Variants in EIF3H observed in about 807,000 individuals in gnomAD.
EIF3H encodes eIF-3-gamma.
EIF3H carries 26 observed loss-of-function variants against 44.2 expected under a neutral mutation model. The observed-to-expected ratio is 0.59, with a 90% CI of 0.43 to 0.82. The LOEUF (loss-of-function observed/expected upper bound fraction) is 0.82, where lower values mean the gene tolerates loss of function less well. Among genes scored for constraint, EIF3H ranks in the 40% least tolerant of loss-of-function variants. The probability of loss-of-function intolerance (pLI) is 0.00; values close to 1 mark genes in which losing one functional copy is unlikely to be tolerated. For synonymous variants in EIF3H, 166 were observed against 151.9 expected, an observed-to-expected ratio of 1.09 and a Z score of -0.68; for missense variants, 359 against 432.8, an observed-to-expected ratio of 0.83 and a Z score of 1.51.
chr8:116,753,557 A>G (rs1321034547), intron 1 of EIF3H, among the ~76,000 whole-genome samples: 2 of 152,242 alleles, frequency 1.3e-5, no homozygotes, highest in Non-Finnish European at 2.9e-5. Flanking sequence ...AGAAGGACTA[A>G]TTGGTTCCTT....
At chr8:116,664,429 C>A (rs1182508461) in intron 2 of EIF3H, among the ~76,000 whole-genome samples, 1 of 152,146 alleles carries the variant, frequency 6.6e-6, no homozygotes, top group Non-Finnish European at 1.5e-5. Context: ...TTCAAGAGCT[C>A]CTGAAGATCA....
rs147804401 is a variant in EIF3H at position 116,726,822 on chromosome 8, A to G, written c.133-650T>C. On this transcript the variant is annotated intron_variant, in intron 1 of 7. Coordinates refer to ENST00000521861, the MANE Select transcript of EIF3H (RefSeq NM_003756.3). ...TCTCTCCTTTAATATTCCCATAAAG[A>G]TAAGAGGTAACACCGTGCACAGGTG... Among the ~76,000 whole-genome samples the G allele has an allele frequency of 5.9e-3, 900 of 152,340 alleles. 5 individuals are homozygous for G. Among genetic ancestry groups the G allele is most frequent in the African/African-American group, 0.02 (827 of 41,572 alleles).
rs183505021 is a variant in EIF3H at position 116,717,572 on chromosome 8, T to C, written c.289+8444A>G. ...ATGAATATAGACCAATGGAACAGAA[T>C]AGAGAACCCAGAAATAATGCCAAAT... On this transcript the variant is annotated intron_variant, in intron 2 of 7. Coordinates refer to ENST00000521861, the MANE Select transcript of EIF3H (RefSeq NM_003756.3). 1.2e-3 allele frequency among the ~76,000 whole-genome samples: 180 copies of C among 152,190 alleles called. 1 individual carries two copies. Among genetic ancestry groups the C allele is most frequent in the African/African-American group, 4.0e-3 (167 of 41,536 alleles).
intron 5 of EIF3H, among the ~76,000 whole-genome samples, chr8:116,649,847 G>A (rs1400225566): frequency 6.6e-6 from 1 of 152,202 alleles, no homozygotes; most frequent in Non-Finnish European, 1.5e-5. Flanking sequence ...CATGATCAGA[G>A]TATCTCTTTG....
chr8:116,690,609 T>A (rs1016525257), intron 2 of EIF3H, among the ~76,000 whole-genome samples: 4 of 152,224 alleles, frequency 2.6e-5, no homozygotes, highest in Non-Finnish European at 5.9e-5. Context: ...ATAGCAGACA[T>A]TTAAGCCTAG....
upstream of EIF3H, chr8:116,755,831 A>G (rs370527724): frequency 2.2e-5 from 36 of 1,608,266 alleles, no homozygotes; most frequent in African/African-American, 4.0e-5. Context: ...GAGAAACGTG[A>G]GTTACCGGAA....
intron 6 of EIF3H, among the ~76,000 whole-genome samples, 162 bp from the exon 7 acceptor site, chr8:116,646,765 C>T (rs538605626): frequency 6.6e-6 from 1 of 152,290 alleles, no homozygotes; most frequent in East Asian, 1.9e-4. Flanking sequence ...AAGCTAAATA[C>T]GCCAATAGCA....
chr8:116,677,080 TAA>T (rs768390419), intron 2 of EIF3H, among the ~76,000 whole-genome samples: 1 of 152,214 alleles, frequency 6.6e-6, no homozygotes, highest in Non-Finnish European at 1.5e-5. Context: ...GATAGCAATC[TAA>T]AACACTGTAA....
At chr8:116,684,648 T>C (rs1355135178) in intron 2 of EIF3H, among the ~76,000 whole-genome samples, 1 of 152,172 alleles carries the variant, frequency 6.6e-6, no homozygotes, top group Non-Finnish European at 1.5e-5. Context: ...TCATGAAATC[T>C]TTTCCAGACT....
chr8:116,749,619 C>A (rs1442703565), intron 1 of EIF3H, among the ~76,000 whole-genome samples: 1 of 152,220 alleles, frequency 6.6e-6, no homozygotes, highest in East Asian at 1.9e-4. Context: ...AGAATGAAGA[C>A]CCATTCTTTC....
intron 2 of EIF3H, among the ~76,000 whole-genome samples, chr8:116,679,442 C>T (rs1586451078): frequency 3.9e-5 from 2 of 50,742 alleles, no homozygotes; most frequent in South Asian, 9.2e-4. Flanking sequence ...CCAGCCGCCC[C>T]GTCCGGGAGG....
chr8:116,657,596 G>C lies in EIF3H; in HGVS notation c.458-282C>G. ...CAAATTCATTCCTCAGCAAGAACTAGTAACCTTGCTGAAAATTAAATGTAT... is the reference window on the plus strand; with the variant it reads ...CAAATTCATTCCTCAGCAAGAACTACTAACCTTGCTGAAAATTAAATGTAT... On this transcript the variant is annotated intron_variant, in intron 3 of 7. Transcript: ENST00000521861. The C allele has an allele frequency of 1.0e-5, 4 of 389,290 alleles. No individual in the cohort carries two copies. In the South Asian group the frequency reaches 1.2e-4, roughly 12 times the overall value. The allele number at this position is 389,290 out of a possible 1,614,324, so 24.1% of individuals were successfully genotyped here.
intron 2 of EIF3H, among the ~76,000 whole-genome samples, chr8:116,721,328 T>C (rs948154212): frequency 6.6e-6 from 1 of 152,198 alleles, no homozygotes; most frequent in African/African-American, 2.4e-5. Flanking sequence ...TTTGGGAACC[T>C]CCGCCTAAAT....
chr8:116,739,446 C>G (rs183748323), intron 1 of EIF3H, among the ~76,000 whole-genome samples: 1 of 152,134 alleles, frequency 6.6e-6, no homozygotes, highest in African/African-American at 2.4e-5. Context: ...GTCAGGAGAT[C>G]GAGACCATCC....
chr8:116,679,569 C>T (rs1586451202), intron 2 of EIF3H, among the ~76,000 whole-genome samples: 2 of 20,228 alleles, frequency 9.9e-5, no homozygotes, highest in Non-Finnish European at 3.3e-4. Flanking sequence ...CCAGCCGCCC[C>T]ATCCGGGAGG....
At chr8:116,655,808 T>C (rs1813478716) in intron 5 of EIF3H, 48 bp downstream of exon 5, 1 of 1,593,916 alleles carries the variant, frequency 6.3e-7, no homozygotes, top group Non-Finnish European at 8.5e-7. Flanking sequence ...AAGAATCTTT[T>C]GCAAAAAGTT....
At chr8:116,656,770 T>C (rs1813497657) in intron 4 of EIF3H, among the ~76,000 whole-genome samples, 1 of 152,200 alleles carries the variant, frequency 6.6e-6, no homozygotes, top group Non-Finnish European at 1.5e-5. Flanking sequence ...TCTGCATAAC[T>C]GTCACCCATA....
intron 1 of EIF3H, among the ~76,000 whole-genome samples, chr8:116,750,207 C>G (rs946017468): frequency 6.6e-6 from 1 of 152,276 alleles, no homozygotes; most frequent in African/African-American, 2.4e-5. Flanking sequence ...CAGAATACAT[C>G]TGGAGTATAC....
At chr8:116,741,744 G>A (rs567741200) in intron 1 of EIF3H, among the ~76,000 whole-genome samples, 4 of 152,312 alleles carry the variant, frequency 2.6e-5, no homozygotes, top group Admixed American at 2.6e-4. Flanking sequence ...AATGCTGTAA[G>A]ATCTCCCTTT....
Sources: gnomAD v4.1 joint callset for allele counts (sites outside exome capture counted in the v4.1 genomes callset) on GRCh38, gnomAD v4.1.1 for gene constraint, MANE v1.5 for transcripts, NCBI Gene and HGNC (gene_info 2026-07-23, HGNC 2026-07-21) for gene names.